The following CACNA1C variants were observed in gnomAD, a reference collection of about 807,000 sequenced individuals.
CACNA1C encodes the protein calcium voltage-gated channel subunit alpha1 C.
CACNA1C carries 30 observed loss-of-function variants against 229.0 expected under a neutral mutation model. The observed-to-expected ratio is 0.13, with a 90% CI of 0.10 to 0.18. The LOEUF is 0.18. CACNA1C is among the 10% of genes least tolerant of loss of function. The pLI is 1.00. For missense variants in CACNA1C, 1,658 were observed against 2,845.0 expected, an observed-to-expected ratio of 0.58 and a Z score of 9.49; for synonymous variants, 1,114 against 1,132.5, an observed-to-expected ratio of 0.98 and a Z score of 0.33.
chr12:2,353,445 C>T (rs1445078023), intron 3 of CACNA1C, among the ~76,000 whole-genome samples: 1 of 152,224 alleles, frequency 6.6e-6, no homozygotes, highest in Non-Finnish European at 1.5e-5. Context: ...TAACAGGCGG[C>T]GCTGCCGCGC....
At chr12:2,371,612 T>A (rs1210867133) in intron 3 of CACNA1C, among the ~76,000 whole-genome samples, 1 of 151,140 alleles carries the variant, frequency 6.6e-6, no homozygotes, top group African/African-American at 2.4e-5. Flanking sequence ...TTGAGAACCA[T>A]CTCCTTAGGT....
At chr12:2,101,445 C>A (rs542074221) in intron 1 of CACNA1C, among the ~76,000 whole-genome samples, 1 of 152,338 alleles carries the variant, frequency 6.6e-6, no homozygotes, top group South Asian at 2.1e-4. Flanking sequence ...GCTCAACCTC[C>A]CCCTCCCAGG....
At chr12:2,227,630 G>T (rs2063415416) in intron 3 of CACNA1C, among the ~76,000 whole-genome samples, 1 of 152,158 alleles carries the variant, frequency 6.6e-6, no homozygotes, top group South Asian at 2.1e-4. Flanking sequence ...CTAGGCAGAA[G>T]CCAAAGGTCA....
chr12:2,027,676 A>G (rs555004704), intron 1 of CACNA1C, among the ~76,000 whole-genome samples: 1 of 152,204 alleles, frequency 6.6e-6, no homozygotes, highest in South Asian at 2.1e-4. Context: ...CTGGAGGCTC[A>G]CTCTGATCTT....
intron 1 of CACNA1C, among the ~76,000 whole-genome samples, chr12:1,996,693 T>C (rs573611609): frequency 2.2e-5 from 3 of 139,342 alleles, no homozygotes; most frequent in South Asian, 2.4e-4. Flanking sequence ...AGTTTACGAA[T>C]TTCTGTCAGG....
chr12:2,529,612 G>C (rs1599010408), intron 9 of CACNA1C, among the ~76,000 whole-genome samples: 1 of 152,200 alleles, frequency 6.6e-6, no homozygotes, highest in Non-Finnish European at 1.5e-5. Context: ...GATCTAAAAC[G>C]AGGTTGGGCC....
intron 3 of CACNA1C, among the ~76,000 whole-genome samples, chr12:2,349,930 G>C (rs112174677): frequency 1.2e-4 from 18 of 152,300 alleles, no homozygotes; most frequent in South Asian, 2.1e-4. Context: ...GTTTTCCATG[G>C]ATCAGTATGT....
At chr12:1,996,865 T>C (rs761304197) in intron 1 of CACNA1C, among the ~76,000 whole-genome samples, 3 of 152,102 alleles carry the variant, frequency 2.0e-5, no homozygotes, top group South Asian at 2.1e-4. Context: ...TAAACATGAA[T>C]ATATGTGGAA....
intron 3 of CACNA1C, among the ~76,000 whole-genome samples, chr12:2,337,101 C>T (rs1402144411): frequency 1.3e-5 from 2 of 152,182 alleles, no homozygotes; most frequent in Non-Finnish European, 2.9e-5. Context: ...TTTCCATCCT[C>T]GAGAAGCCCA....
chr12:2,036,240 C>T (rs1446684783), intron 1 of CACNA1C, among the ~76,000 whole-genome samples: 2 of 152,206 alleles, frequency 1.3e-5, no homozygotes, highest in Non-Finnish European at 2.9e-5. Flanking sequence ...AGCCATCTAT[C>T]CCTTAGTGTC....
chr12:2,203,549 T>G lies in CACNA1C; in HGVS notation c.477+83119T>G, dbSNP rs1231062470. Among the ~76,000 whole-genome samples the G allele has an allele frequency of 2.0e-5, 3 of 152,164 alleles. No individual in the cohort carries two copies. In the East Asian group the frequency reaches 5.8e-4, roughly 29 times the overall value. On this transcript the variant is annotated intron_variant, in intron 3 of 46. Coordinates refer to ENST00000399655, the MANE Select transcript of CACNA1C (RefSeq NM_000719.7). ...TCTGGGCCTCTGTTACAGGACGGATTAGGAGTCAGGATTCTGGAGGTGGCT... is the reference window on the plus strand; with the variant it reads ...TCTGGGCCTCTGTTACAGGACGGATGAGGAGTCAGGATTCTGGAGGTGGCT...
At chr12:2,207,843 AC>A (rs71293113) in intron 3 of CACNA1C, among the ~76,000 whole-genome samples, 2 of 151,834 alleles carry the variant, frequency 1.3e-5, no homozygotes, top group East Asian at 3.9e-4. Flanking sequence ...AACAAAAAAA[AC>A]CATGAGAAAT....
chr12:2,128,365 A>G (rs2090979564), intron 3 of CACNA1C, among the ~76,000 whole-genome samples: 1 of 152,218 alleles, frequency 6.6e-6, no homozygotes, highest in Non-Finnish European at 1.5e-5. Flanking sequence ...GTTCTGTTGC[A>G]AAATAAATTC....
intron 3 of CACNA1C, among the ~76,000 whole-genome samples, chr12:2,193,330 C>T (rs890277245): frequency 2.0e-5 from 3 of 152,200 alleles, no homozygotes; most frequent in African/African-American, 7.2e-5. Context: ...TGGCACATAC[C>T]TGTCATCCCA....
chr12:2,427,512 A>G (rs2154557636), intron 3 of CACNA1C, among the ~76,000 whole-genome samples: 1 of 113,694 alleles, frequency 8.8e-6, no homozygotes, highest in African/African-American at 3.5e-5. Flanking sequence ...GAAGGAAGAA[A>G]TGGCTCGCTA....
At chr12:2,396,728 G>A (rs1285576509) in intron 3 of CACNA1C, among the ~76,000 whole-genome samples, 2 of 152,270 alleles carry the variant, frequency 1.3e-5, no homozygotes, top group African/African-American at 4.8e-5. Context: ...GCTCTGGCAT[G>A]AAGCTAGGCC....
chr12:2,063,370 T>G (rs1490617242), intron 1 of CACNA1C, among the ~76,000 whole-genome samples: 1 of 152,186 alleles, frequency 6.6e-6, no homozygotes. Context: ...CAGGATGGTC[T>G]CCATCTCCTG....
chr12:2,114,057 A>G (rs781443032), intron 1 of CACNA1C, among the ~76,000 whole-genome samples: 9 of 152,210 alleles, frequency 5.9e-5, no homozygotes, highest in African/African-American at 9.6e-5. Context: ...ACCCCAAAAC[A>G]AAGTGGCTCA....
intron 3 of CACNA1C, among the ~76,000 whole-genome samples, chr12:2,262,129 C>A (rs922776184): frequency 2.6e-5 from 4 of 152,216 alleles, no homozygotes; most frequent in African/African-American, 9.6e-5. Flanking sequence ...GTTGCTGGGG[C>A]TGAATGCTGG....
Sources: gnomAD v4.1 joint callset for allele counts (sites outside exome capture counted in the v4.1 genomes callset) on GRCh38, gnomAD v4.1.1 for gene constraint, MANE v1.5 for transcripts, NCBI Gene and HGNC (gene_info 2026-07-23, HGNC 2026-07-21) for gene names.